PALM2AKAP2: variants seen among roughly 807,000 people sequenced by gnomAD.
PALM2AKAP2 encodes PALM2 and AKAP2 fusion.
In PALM2AKAP2, 37 loss-of-function variants were observed where a neutral mutation model predicts 71.5. The observed-to-expected ratio is 0.52, with a 90% CI of 0.40 to 0.68. PALM2AKAP2 has a LOEUF of 0.68. Among genes scored for constraint, PALM2AKAP2 ranks in the 30% least tolerant of loss-of-function variants. The probability of loss-of-function intolerance (pLI) is 0.00; values close to 1 mark genes in which losing one functional copy is unlikely to be tolerated. For synonymous variants in PALM2AKAP2, 468 were observed against 478.8 expected (o/e 0.98, Z 0.29); for missense variants, 1,224 against 1,191.8 (o/e 1.03, Z -0.40).
intron 1 of PALM2AKAP2, among the ~76,000 whole-genome samples, chr9:109,841,199 A>G (rs1415435016): frequency 1.3e-5 from 2 of 152,006 alleles, no homozygotes; most frequent in Non-Finnish European, 1.5e-5. Flanking sequence ...AAAAAGGATG[A>G]GTTCATGTCC....
chr9:109,704,401 A>G (rs574359591), intron 1 of PALM2AKAP2, among the ~76,000 whole-genome samples: 2 of 152,342 alleles, frequency 1.3e-5, no homozygotes, highest in East Asian at 3.9e-4. Flanking sequence ...ATTCACTTGT[A>G]TAAATGTGTG....
intron 3 of PALM2AKAP2, among the ~76,000 whole-genome samples, chr9:109,907,201 TGA>T (rs1712935978): frequency 1.3e-5 from 2 of 152,238 alleles, no homozygotes; most frequent in African/African-American, 4.8e-5. Flanking sequence ...TCTTGCAATT[TGA>T]GCTCTACTGT....
intron 1 of PALM2AKAP2, among the ~76,000 whole-genome samples, chr9:110,128,779 C>T (rs1480426523): frequency 1.3e-5 from 2 of 152,208 alleles, no homozygotes; most frequent in African/African-American, 4.8e-5. Context: ...GTGAAGGACA[C>T]CTTTCTGCTC....
At chr9:109,673,628 T>G (rs368942840) in intron 1 of PALM2AKAP2, among the ~76,000 whole-genome samples, 71 of 152,216 alleles carry the variant, frequency 4.7e-4, no homozygotes, top group African/African-American at 1.7e-3. Context: ...AATCGAGTGC[T>G]GAGTTTGGAT....
chr9:109,971,483 T>C (rs1832068215), intron 6 of PALM2AKAP2, among the ~76,000 whole-genome samples: 1 of 151,920 alleles, frequency 6.6e-6, no homozygotes, highest in Admixed American at 6.6e-5. Flanking sequence ...TGGAGTGCAA[T>C]GGACCGGTCT....
rs577976716 is a variant in PALM2AKAP2, at chr9:109,905,545, C to G, written c.258-18190C>G. 2.0e-5 allele frequency among the ~76,000 whole-genome samples: 3 copies of G among 152,362 alleles called. No individual in the cohort carries two copies. The East Asian group carries it at 5.8e-4, about 29-fold the overall frequency. On this transcript the variant is annotated intron_variant, in intron 3 of 9. Coordinates refer to the PALM2AKAP2 transcript ENST00000302798. ...CAACAGTGCAGGGTGGCGATCTACCCGCAGCACATGCAGGATGCAGCGTTA... is the reference window on the plus strand; with the variant it reads ...CAACAGTGCAGGGTGGCGATCTACCGGCAGCACATGCAGGATGCAGCGTTA...
At chr9:109,674,944 A>C (rs1196628269) in intron 1 of PALM2AKAP2, among the ~76,000 whole-genome samples, 7 of 152,196 alleles carry the variant, frequency 4.6e-5, no homozygotes, top group African/African-American at 1.7e-4. Context: ...ACAAGTACAC[A>C]TATAACCACT....
intron 1 of PALM2AKAP2, among the ~76,000 whole-genome samples, chr9:109,767,714 A>T (rs545951156): frequency 6.6e-6 from 1 of 151,684 alleles, no homozygotes; most frequent in African/African-American, 2.4e-5. Flanking sequence ...TCCTCCTCCC[A>T]TACCTAAACC....
intron 1 of PALM2AKAP2, among the ~76,000 whole-genome samples, chr9:109,808,851 G>C (rs757355561): frequency 2.1e-4 from 32 of 152,228 alleles, no homozygotes; most frequent in Non-Finnish European, 4.4e-4. Context: ...TTGGTGCCCT[G>C]TGTCCCAGCC....
chr9:109,660,551 A>T (rs1018675709), intron 1 of PALM2AKAP2, among the ~76,000 whole-genome samples: 1 of 151,166 alleles, frequency 6.6e-6, no homozygotes, highest in Non-Finnish European at 1.5e-5. Context: ...GCTGCATAGT[A>T]TTCCATGGTG....
intron 2 of PALM2AKAP2, among the ~76,000 whole-genome samples, chr9:109,870,027 G>A (rs1206207665): frequency 6.6e-6 from 1 of 152,168 alleles, no homozygotes; most frequent in African/African-American, 2.4e-5. Flanking sequence ...TCCAAAGGTG[G>A]CAGTGGTTGT....
chr9:109,913,331 T>A (rs1441684635), intron 3 of PALM2AKAP2, among the ~76,000 whole-genome samples: 1 of 152,218 alleles, frequency 6.6e-6, no homozygotes, highest in African/African-American at 2.4e-5. Context: ...CTGATATAAT[T>A]CAGCTGGCAA....
chr9:110,152,628 ACAGTGGTGCTGTCTG>A (rs1308085684), intron 2 of PALM2AKAP2, among the ~76,000 whole-genome samples: 1 of 152,250 alleles, frequency 6.6e-6, no homozygotes, highest in African/African-American at 2.4e-5. Flanking sequence ...CAAGACCCAA[ACAGTGGTGCTGTCTG>A]CAGTGTCCAC....
At chr9:110,141,103 C>T (rs1356534522) in intron 2 of PALM2AKAP2, among the ~76,000 whole-genome samples, 1 of 152,180 alleles carries the variant, frequency 6.6e-6, no homozygotes, top group African/African-American at 2.4e-5. Flanking sequence ...AATATAAAGA[C>T]ATTTCAATGC....
At chr9:110,141,883 T>C (rs1380674813) in intron 2 of PALM2AKAP2, among the ~76,000 whole-genome samples, 2 of 152,194 alleles carry the variant, frequency 1.3e-5, no homozygotes, top group Non-Finnish European at 2.9e-5. Flanking sequence ...CTTCTAATTC[T>C]TTCCATACAA....
intron 1 of PALM2AKAP2, among the ~76,000 whole-genome samples, chr9:109,782,621 T>C (rs1826836802): frequency 6.6e-6 from 1 of 152,170 alleles, no homozygotes. Context: ...CATGCTATTT[T>C]ATAGGGACTT....
intron 1 of PALM2AKAP2, among the ~76,000 whole-genome samples, chr9:110,069,351 G>C (rs1834155284): frequency 6.6e-6 from 1 of 152,206 alleles, no homozygotes; most frequent in Non-Finnish European, 1.5e-5. Context: ...GAAAACTACA[G>C]ATACTAATTT....
intron 3 of PALM2AKAP2, among the ~76,000 whole-genome samples, chr9:110,167,107 A>G (rs1356001824): frequency 6.6e-6 from 1 of 152,180 alleles, no homozygotes; most frequent in East Asian, 1.9e-4. Flanking sequence ...CTTATTCACT[A>G]TCACGAGAAC....
At chr9:110,141,280 C>A (rs1273461550) in intron 2 of PALM2AKAP2, among the ~76,000 whole-genome samples, 1 of 149,642 alleles carries the variant, frequency 6.7e-6, no homozygotes, top group Non-Finnish European at 1.5e-5. Context: ...TCTCCCATAT[C>A]CCACCCCCAT....
Sources: allele counts gnomAD v4.1 joint callset (sites outside exome capture counted in the v4.1 genomes callset), GRCh38; gene constraint gnomAD v4.1.1; transcripts MANE v1.5; gene names NCBI Gene and HGNC (gene_info 2026-07-23, HGNC 2026-07-21).